GRM1: variants seen among roughly 807,000 people sequenced by gnomAD.
GRM1 encodes metabotropic glutamate receptor 1.
GRM1 carries 33 observed loss-of-function variants against 90.9 expected under a neutral mutation model. The ratio of observed to expected loss-of-function variants is 0.36; its 90% CI spans 0.28 to 0.49. GRM1 has a LOEUF of 0.49. GRM1 is among the 20% of genes least tolerant of loss of function. The probability of loss-of-function intolerance (pLI) is 0.99; values close to 1 mark genes in which losing one functional copy is unlikely to be tolerated. For missense variants in GRM1, 1,190 were observed against 1,534.3 expected (o/e 0.78, Z 3.75); for synonymous variants, 700 against 613.2 (o/e 1.14, Z -2.09).
chr6:146,306,395 G>A (rs998204283), intron 3 of GRM1, among the ~76,000 whole-genome samples: 2 of 152,080 alleles, frequency 1.3e-5, no homozygotes, highest in African/African-American at 4.8e-5. Flanking sequence ...GGCTCATAAG[G>A]TTAATGGCAG....
intron 1 of GRM1, among the ~76,000 whole-genome samples, chr6:146,094,171 G>A (rs183927782): frequency 1.3e-4 from 20 of 152,052 alleles, no homozygotes; most frequent in African/African-American, 4.8e-4. Context: ...TATTAAATTA[G>A]GATTAAACAC....
chr6:146,149,520 T>A lies in GRM1; in HGVS notation c.701-9828T>A, dbSNP rs1047751705. On this transcript the variant is annotated intron_variant, in intron 1 of 7. Transcript: ENST00000282753. ...GTTATTATCACATATAATTTAATAA[T>A]CATGATGAGTTTTTTGGATGTGCAT... Among the ~76,000 whole-genome samples the A allele has an allele frequency of 9.3e-4, 141 of 152,336 alleles. 1 individual carries two copies. Among genetic ancestry groups the A allele is most frequent in the East Asian group, 3.3e-3 (17 of 5,192 alleles).
chr6:146,366,248 A>G (rs1224810982), intron 5 of GRM1, among the ~76,000 whole-genome samples: 2 of 152,066 alleles, frequency 1.3e-5, no homozygotes, highest in African/African-American at 4.8e-5. Context: ...TGGGATACAC[A>G]TGATATTTTA....
At chr6:146,060,930 A>G (rs1476810052) in intron 1 of GRM1, among the ~76,000 whole-genome samples, 1 of 152,036 alleles carries the variant, frequency 6.6e-6, no homozygotes. Context: ...TTGACTTTTT[A>G]TAGTAGCCAT....
chr6:146,044,666 T>C (rs1791255911), intron 1 of GRM1, among the ~76,000 whole-genome samples: 1 of 151,986 alleles, frequency 6.6e-6, no homozygotes. Flanking sequence ...TTTGAAACCA[T>C]GAAAAGGCAA....
intron 2 of GRM1, among the ~76,000 whole-genome samples, chr6:146,199,397 T>C (rs1181311863): frequency 6.6e-6 from 1 of 152,200 alleles, no homozygotes; most frequent in African/African-American, 2.4e-5. Context: ...CTTGCTGGGA[T>C]AGTAAATTCT....
intron 2 of GRM1, among the ~76,000 whole-genome samples, chr6:146,302,539 T>TTTTATTTA (rs370040664): frequency 9.5e-4 from 143 of 150,282 alleles, no homozygotes; most frequent in South Asian, 2.3e-3. Flanking sequence ...ATCCAGATAA[T>TTTTATTTA]TTTATTTATT....
intron 2 of GRM1, among the ~76,000 whole-genome samples, chr6:146,222,391 T>A (rs899584398): frequency 2.6e-5 from 4 of 152,022 alleles, no homozygotes; most frequent in African/African-American, 4.8e-5. Flanking sequence ...ACATGTATAT[T>A]TCTGTGTGTT....
intron 2 of GRM1, among the ~76,000 whole-genome samples, chr6:146,166,140 C>T (rs900843490): frequency 6.6e-6 from 1 of 152,108 alleles, no homozygotes; most frequent in Non-Finnish European, 1.5e-5. Flanking sequence ...TTAACATGTT[C>T]TTGTAGCACT....
intron 1 of GRM1, among the ~76,000 whole-genome samples, chr6:146,064,289 T>G (rs1462495600): frequency 3.9e-5 from 6 of 152,204 alleles, no homozygotes; most frequent in Non-Finnish European, 5.9e-5. Flanking sequence ...CAGCTGTGTA[T>G]TTTCCATAGT....
intron 2 of GRM1, among the ~76,000 whole-genome samples, chr6:146,232,611 T>C (rs1780486511): frequency 1.3e-5 from 2 of 152,054 alleles, no homozygotes; most frequent in African/African-American, 4.8e-5. Context: ...TGTTATCAAA[T>C]AATATGTCTT....
chr6:146,218,314 C>T (rs765706566), intron 2 of GRM1, among the ~76,000 whole-genome samples: 2 of 152,048 alleles, frequency 1.3e-5, no homozygotes, highest in African/African-American at 4.8e-5. Flanking sequence ...TTTCAATGCC[C>T]TATATAAATT....
chr6:146,196,847 T>C (rs1428629216), intron 2 of GRM1, among the ~76,000 whole-genome samples: 4 of 152,198 alleles, frequency 2.6e-5, no homozygotes, highest in Non-Finnish European at 5.9e-5. Flanking sequence ...GATAGTGCTA[T>C]AATCTGTCAA....
At chr6:146,290,325 G>A (rs145013904) in intron 2 of GRM1, among the ~76,000 whole-genome samples, 2 of 152,218 alleles carry the variant, frequency 1.3e-5, no homozygotes, top group African/African-American at 4.8e-5. Flanking sequence ...ACGTACACAA[G>A]GTTCTTCAGA....
Position 146,398,788 on chromosome 6 carries a change from G to C in GRM1, c.1749G>C (p.Val583=), listed in dbSNP as rs1269952515. ...TCACAGGCTGTGAGCCCATTCCTGT[G>C]CGCTATCTTGAGTGGAGCAACATCG... ...ADLTGCEPIP[V]RYLEWSNIES... Residue 583 remains valine (V), a synonymous_variant, in exon 7 of 8, where the codon GTG becomes GTC. Coordinates refer to ENST00000282753, the MANE Select transcript of GRM1 (RefSeq NM_001278064.2). The C allele has an allele frequency of 8.7e-6, 14 of 1,612,334 alleles. No homozygotes were observed. The Admixed American group carries it at 2.3e-4, about 27-fold the overall frequency.
At chr6:146,051,450 G>T (rs1337555388) in intron 1 of GRM1, among the ~76,000 whole-genome samples, 3 of 152,046 alleles carry the variant, frequency 2.0e-5, no homozygotes, top group South Asian at 4.1e-4. Flanking sequence ...TGATAAAGGG[G>T]AAAAGAGGAA....
chr6:146,326,357 C>A (rs1784400109), intron 3 of GRM1, among the ~76,000 whole-genome samples: 1 of 152,154 alleles, frequency 6.6e-6, no homozygotes, highest in African/African-American at 2.4e-5. Flanking sequence ...CCAAATACCA[C>A]ATGTTCTCAC....
intron 2 of GRM1, chr6:146,171,754 G>T: frequency 3.5e-6 from 1 of 289,238 alleles, no homozygotes; most frequent in South Asian, 4.8e-5. Flanking sequence ...CTAAGGTCAA[G>T]AGCAAAGCTG....
intron 2 of GRM1, among the ~76,000 whole-genome samples, chr6:146,178,334 A>G (rs113058574): frequency 4.6e-5 from 7 of 152,210 alleles, no homozygotes; most frequent in African/African-American, 1.4e-4. Flanking sequence ...CCACAGAGGT[A>G]AAGTGCCATT....
Sources: allele counts gnomAD v4.1 joint callset (sites outside exome capture counted in the v4.1 genomes callset), GRCh38; gene constraint gnomAD v4.1.1; transcripts MANE v1.5; gene names NCBI Gene and HGNC (gene_info 2026-07-23, HGNC 2026-07-21).